The following NT5C2 variants were observed in gnomAD, a reference collection of about 807,000 sequenced individuals.
NT5C2 encodes the protein cytosolic purine 5'-nucleotidase.
In NT5C2, 58 loss-of-function variants were observed where a neutral mutation model predicts 76.1. The observed-to-expected ratio is 0.76, with a 90% CI of 0.62 to 0.95. The LOEUF (loss-of-function observed/expected upper bound fraction) is 0.95, where lower values mean the gene tolerates loss of function less well. Among genes scored for constraint, NT5C2 ranks in the 40% least tolerant of loss-of-function variants. The pLI, the probability that NT5C2 is intolerant of heterozygous loss-of-function variation, is 0.00. For missense variants in NT5C2, 478 were observed against 690.3 expected (o/e 0.69, Z 3.45); for synonymous variants, 229 against 237.4 (o/e 0.96, Z 0.32).
At chr10:103,121,539 A>G (rs945575572) in intron 4 of NT5C2, among the ~76,000 whole-genome samples, 29 of 152,196 alleles carry the variant, frequency 1.9e-4, no homozygotes, top group Non-Finnish European at 4.0e-4. Flanking sequence ...CCATTCCAAT[A>G]ACAATAAAAC....
intron 3 of NT5C2, among the ~76,000 whole-genome samples, chr10:103,156,993 A>T (rs1191883869): frequency 2.0e-5 from 3 of 151,946 alleles, no homozygotes; most frequent in Middle Eastern, 6.8e-3. Context: ...TATGTCTCCC[A>T]AAGTTGGTAG....
chr10:103,171,676 C>T (rs1032746000), intron 3 of NT5C2, among the ~76,000 whole-genome samples: 1 of 152,144 alleles, frequency 6.6e-6, no homozygotes, highest in African/African-American at 2.4e-5. Flanking sequence ...TTACTAAATA[C>T]ATTATCTACT....
At chr10:103,105,194 T>C (rs543749374) in intron 6 of NT5C2, among the ~76,000 whole-genome samples, 1 of 152,308 alleles carries the variant, frequency 6.6e-6, no homozygotes, top group African/African-American at 2.4e-5. Context: ...TTAGCACATA[T>C]TCACTTTAAC....
chr10:103,100,552 A>T, intron 8 of NT5C2: 2 of 406,456 alleles, frequency 4.9e-6, no homozygotes, highest in Non-Finnish European at 9.8e-6. Flanking sequence ...ATTCTCCCTA[A>T]AGGGAGAGGA....
intron 4 of NT5C2, among the ~76,000 whole-genome samples, chr10:103,122,544 T>TTA (rs1212262135): frequency 6.6e-6 from 1 of 152,194 alleles, no homozygotes; most frequent in African/African-American, 2.4e-5. Flanking sequence ...ACAAATCTGT[T>TTA]GCTAGTTACT....
intron 18 of NT5C2, chr10:103,090,236 T>C: frequency 3.1e-6 from 1 of 324,640 alleles, no homozygotes; most frequent in Non-Finnish European, 5.6e-6. Flanking sequence ...TTTCTTTTTC[T>C]TGAGATGGTC....
At chr10:103,184,745 A>G (rs967076622) in intron 1 of NT5C2, among the ~76,000 whole-genome samples, 1 of 152,244 alleles carries the variant, frequency 6.6e-6, no homozygotes, top group Non-Finnish European at 1.5e-5. Flanking sequence ...TCACAAATAC[A>G]TAAGATTCTT....
At chr10:103,110,124 CTCTT>C (rs1173173319) in intron 4 of NT5C2, among the ~76,000 whole-genome samples, 2 of 152,112 alleles carry the variant, frequency 1.3e-5, no homozygotes, top group Non-Finnish European at 1.5e-5. Context: ...AAATTTAGGT[CTCTT>C]TGAGTCTCCA....
chr10:103,122,384 G>GA (rs1277282978), intron 4 of NT5C2, among the ~76,000 whole-genome samples: 2 of 152,184 alleles, frequency 1.3e-5, no homozygotes, highest in Non-Finnish European at 2.9e-5. Context: ...CATTTGGGGG[G>GA]AAAAAATTAA....
chr10:103,101,708 T>C (rs572266683), intron 6 of NT5C2, among the ~76,000 whole-genome samples: 1 of 145,146 alleles, frequency 6.9e-6, no homozygotes, highest in African/African-American at 2.5e-5. Context: ...CACATATAAT[T>C]ATAAGGTAAA....
intron 2 of NT5C2, chr10:103,175,745 T>C (rs1455182586): frequency 1.1e-5 from 3 of 271,886 alleles, no homozygotes; most frequent in East Asian, 1.8e-4. Context: ...GGCGATGCCA[T>C]TGAGCCAGCA....
intron 4 of NT5C2, among the ~76,000 whole-genome samples, chr10:103,115,680 G>A (rs1280695903): frequency 6.6e-6 from 1 of 152,114 alleles, no homozygotes; most frequent in Non-Finnish European, 1.5e-5. Flanking sequence ...CTGCAATTCA[G>A]AGAGATTAAT....
At chr10:103,099,879 A>T (rs2069124118) in intron 9 of NT5C2, 47 bp downstream of exon 9, 1 of 1,216,724 alleles carries the variant, frequency 8.2e-7, no homozygotes, top group African/African-American at 1.5e-5. Context: ...CCACGCCATA[A>T]AATACATGCC....
chr10:103,189,803 G>C (rs1365597683), intron 1 of NT5C2, among the ~76,000 whole-genome samples: 1 of 150,690 alleles, frequency 6.6e-6, no homozygotes. Context: ...TGAGTAGCTG[G>C]GACTACAGGT....
At chr10:103,164,258 C>T in intron 3 of NT5C2, among the ~76,000 whole-genome samples, 1 of 148,776 alleles carries the variant, frequency 6.7e-6, no homozygotes, top group East Asian at 2.0e-4. Context: ...AAAAACAATG[C>T]TTTTTTTTTT....
chr10:103,121,525 G>A (rs1397938883), intron 4 of NT5C2, among the ~76,000 whole-genome samples: 1 of 152,150 alleles, frequency 6.6e-6, no homozygotes, highest in Non-Finnish European at 1.5e-5. Context: ...CAAGTGAGTT[G>A]AGTCCATTCC....
At chr10:103,116,642 T>C (rs2135546869) in intron 4 of NT5C2, among the ~76,000 whole-genome samples, 1 of 148,174 alleles carries the variant, frequency 6.7e-6, no homozygotes, top group African/African-American at 2.5e-5. Flanking sequence ...TGATCATAGC[T>C]CACTGTATCC....
rs559966569 is a variant in NT5C2 at position 103,157,274 on chromosome 10, C to A, written c.101+17584G>T. On this transcript the variant is annotated intron_variant, in intron 3 of 18. Transcript: ENST00000404739. ...AACTAATCCAAGGAACTAAAAAACA[C>A]AAAGTCTAAGCCTTTAGACTTTGGC... is the stretch of plus-strand genomic sequence containing the variant. Among the ~76,000 whole-genome samples, 17 of 152,106 alleles carry A rather than the reference C, an allele frequency of 1.1e-4. 1 individual carries two copies. In the South Asian group the frequency reaches 3.5e-3, roughly 32 times the overall value.
At chr10:103,094,117 A>ACCCCCCCC in intron 13 of NT5C2, 79 bp from the exon 14 acceptor site, 1 of 569,764 alleles carries the variant, frequency 1.8e-6, no homozygotes. Flanking sequence ...CTCCCATCCC[A>ACCCCCCCC]CCCCCCACCA....
Sources: allele counts gnomAD v4.1 joint callset (sites outside exome capture counted in the v4.1 genomes callset), GRCh38; gene constraint gnomAD v4.1.1; transcripts MANE v1.5; gene names NCBI Gene and HGNC (gene_info 2026-07-23, HGNC 2026-07-21).